HSD17B12: variants seen among roughly 807,000 people sequenced by gnomAD.
HSD17B12 encodes very-long-chain 3-oxoacyl-CoA reductase.
HSD17B12 carries 32 observed loss-of-function variants against 39.3 expected under a neutral mutation model. The ratio of observed to expected loss-of-function variants is 0.81; its 90% CI spans 0.61 to 1.09. HSD17B12 has a LOEUF of 1.09. Ranked by LOEUF, HSD17B12 falls within the 50% of genes least tolerant of loss-of-function variation. The pLI is 0.00. For synonymous variants in HSD17B12, 150 were observed against 146.7 expected (o/e 1.02, Z -0.16); for missense variants, 342 against 382.9 (o/e 0.89, Z 0.89).
At chr11:43,772,405 G>T (rs1322871796) in intron 3 of HSD17B12, among the ~76,000 whole-genome samples, 1 of 152,066 alleles carries the variant, frequency 6.6e-6, no homozygotes, top group Non-Finnish European at 1.5e-5. Flanking sequence ...GTTTTTTTTG[G>T]CATTGCCTTC....
At chr11:43,576,809 C>T in the HSD17B12 span, among the ~76,000 whole-genome samples, 4 of 151,932 alleles carry the variant, frequency 2.6e-5, no homozygotes, top group Non-Finnish European at 4.4e-5. Context: ...GCAAAGAAAC[C>T]GAGAGAGGGA....
intron 4 of HSD17B12, among the ~76,000 whole-genome samples, chr11:43,811,513 A>G (rs775089398): frequency 2.0e-5 from 3 of 152,210 alleles, no homozygotes; most frequent in Non-Finnish European, 2.9e-5. Flanking sequence ...TTATGAAAAC[A>G]TAGCCCTTCT....
At chr11:43,583,929 T>C in the HSD17B12 span, among the ~76,000 whole-genome samples, 3 of 152,104 alleles carry the variant, frequency 2.0e-5, no homozygotes, top group Non-Finnish European at 4.4e-5. Flanking sequence ...CCCAGCCAAC[T>C]AGCTTAACTT....
chr11:43,791,944 G>T (rs1950871546), intron 3 of HSD17B12, among the ~76,000 whole-genome samples: 1 of 152,184 alleles, frequency 6.6e-6, no homozygotes, highest in African/African-American at 2.4e-5. Flanking sequence ...GATTAAAATT[G>T]TCATGAATAT....
In HSD17B12 at chr11:43,831,201, T is replaced by C; in HGVS notation, c.536+191T>C. On this transcript the variant is annotated intron_variant, in intron 7 of 10. Transcript: ENST00000278353. This position sits in a 1 kb window ranked among gnomAD's most constrained non-coding sequence, Gnocchi z 4.1. Reference sequence around the variant, plus strand: ...GGTGGTGGAGGCCTTTTCCACTCGATTCCCTTTTTATTTCTCTCTCTAGGG... The same window carrying C: ...GGTGGTGGAGGCCTTTTCCACTCGACTCCCTTTTTATTTCTCTCTCTAGGG... 2.3e-6 allele frequency: 1 copy of C among 427,234 alleles called. No homozygotes were observed. Among genetic ancestry groups the C allele is most frequent in the Non-Finnish European group, 4.2e-6 (1 of 238,932 alleles). The allele number at this position is 427,234 out of a possible 1,614,324, so 26.5% of individuals were successfully genotyped here. A position where few individuals can be genotyped will look rare whatever the true frequency, so the allele number is the denominator to read the frequency against.
chr11:43,787,749 A>AAAT (rs1554967751), intron 3 of HSD17B12, among the ~76,000 whole-genome samples: 3 of 151,536 alleles, frequency 2.0e-5, no homozygotes, highest in East Asian at 3.9e-4. Flanking sequence ...AAAAAAAAAA[A>AAAT]AATAATAATA....
At chr11:43,609,148 C>A in the HSD17B12 span, among the ~76,000 whole-genome samples, 3 of 151,538 alleles carry the variant, frequency 2.0e-5, no homozygotes, top group Admixed American at 2.0e-4. Context: ...TCATGTTGTC[C>A]AGACTGGTCT....
the HSD17B12 span, among the ~76,000 whole-genome samples, chr11:43,564,014 C>T: frequency 1.2e-3 from 187 of 152,054 alleles, no homozygotes; most frequent in African/African-American, 3.6e-3. Context: ...GATAGGTGCA[C>T]GCCACCATGC....
chr11:43,644,907 C>A, the HSD17B12 span: 4 of 152,174 alleles, frequency 2.6e-5, no homozygotes, highest in African/African-American at 4.8e-5. Flanking sequence ...GTTCCTAAAT[C>A]TTGGGAGCTT....
At chr11:43,809,670 A>G (rs2135066645) in intron 4 of HSD17B12, among the ~76,000 whole-genome samples, 1 of 152,210 alleles carries the variant, frequency 6.6e-6, no homozygotes, top group Non-Finnish European at 1.5e-5. Context: ...ACTACAAAAA[A>G]TTAGCCGGTC....
chr11:43,828,704 A>C (rs1349918635), intron 6 of HSD17B12, among the ~76,000 whole-genome samples: 1 of 152,180 alleles, frequency 6.6e-6, no homozygotes, highest in African/African-American at 2.4e-5. Flanking sequence ...TGAGCTGTGA[A>C]ATGGAGTTCA....
rs138722409 is a variant in HSD17B12, at chr11:43,750,666, G to A, written c.161-245G>A. On this transcript the variant is annotated intron_variant, in intron 1 of 10. Coordinates refer to ENST00000278353, the MANE Select transcript of HSD17B12 (RefSeq NM_016142.3). ...TCCAAAATAATTGTACCAATTTACAGTGCCACCAGCAATGTGTGAGAGTCT... is the reference window on the plus strand; with the variant it reads ...TCCAAAATAATTGTACCAATTTACAATGCCACCAGCAATGTGTGAGAGTCT... 2.2e-3 allele frequency among the ~76,000 whole-genome samples: 334 copies of A among 152,258 alleles called. 1 individual carries two copies. The highest frequency in any genetic ancestry group is 7.7e-3 in the African/African-American group (319 of 41,548).
intron 1 of HSD17B12, among the ~76,000 whole-genome samples, chr11:43,725,278 G>A (rs1338159515): frequency 2.0e-5 from 3 of 152,160 alleles, no homozygotes; most frequent in Non-Finnish European, 2.9e-5. Flanking sequence ...AAATTGGTAT[G>A]TACTTCAGAA....
At chr11:43,589,318 G>C in the HSD17B12 span, among the ~76,000 whole-genome samples, 1 of 151,938 alleles carries the variant, frequency 6.6e-6, no homozygotes, top group Non-Finnish European at 1.5e-5. Context: ...TGTCCTATCA[G>C]GCATTTCTTT....
At chr11:43,619,232 TATATATATATAAA>T in the HSD17B12 span, among the ~76,000 whole-genome samples, 2 of 26,026 alleles carry the variant, frequency 7.7e-5, no homozygotes, top group African/African-American at 2.2e-4. Context: ...ATATATGATA[TATATATATATAAA>T]ATATATATAT....
At chr11:43,690,440 ATATTG>A (rs1275685789) in intron 1 of HSD17B12, among the ~76,000 whole-genome samples, 5 of 107,496 alleles carry the variant, frequency 4.7e-5, no homozygotes, top group Non-Finnish European at 6.8e-5. Context: ...GGGTCTCACT[ATATTG>A]CCCAGGCTGG....
rs756927642 is a variant in HSD17B12, at chr11:43,831,053, C to T, written c.536+43C>T. 3.8e-6 allele frequency: 6 copies of T among 1,559,158 alleles called. No homozygotes were observed. The East Asian group carries it at 1.4e-4, about 36-fold the overall frequency. On this transcript the variant is annotated intron_variant, in intron 7 of 10. Coordinates refer to ENST00000278353, the MANE Select transcript of HSD17B12 (RefSeq NM_016142.3). This position sits in a 1 kb window ranked among gnomAD's most constrained non-coding sequence, Gnocchi z 4.1. ...ATACAAACACTGTGGAAGCAGAGCTCATGATTATTTAGAGGGAGAATCCTT... is the reference window on the plus strand; with the variant it reads ...ATACAAACACTGTGGAAGCAGAGCTTATGATTATTTAGAGGGAGAATCCTT...
intron 4 of HSD17B12, 68 bp from the exon 5 acceptor site, chr11:43,815,369 T>C (rs764230164): frequency 7.7e-5 from 63 of 821,378 alleles, no homozygotes; most frequent in Non-Finnish European, 1.1e-4. Flanking sequence ...ATATCTTTAA[T>C]GTCATTATTT....
At chr11:43,820,658 G>A (rs1313120308) in intron 6 of HSD17B12, among the ~76,000 whole-genome samples, 1 of 152,306 alleles carries the variant, frequency 6.6e-6, no homozygotes, top group South Asian at 2.1e-4. Flanking sequence ...CCTGTATAAG[G>A]AAGAGAGCAA....
Sources: gnomAD v4.1 joint callset for allele counts (sites outside exome capture counted in the v4.1 genomes callset) on GRCh38, gnomAD v4.1.1 for gene constraint, Gnocchi (gnomAD v3.1) non-coding constraint, MANE v1.5 for transcripts, NCBI Gene and HGNC (gene_info 2026-07-23, HGNC 2026-07-21) for gene names.